The following SLC16A12 variants were observed in gnomAD, a reference collection of about 807,000 sequenced individuals.
SLC16A12 encodes the protein monocarboxylate transporter 12.
A neutral mutation model predicts 42.4 loss-of-function variants in SLC16A12; 17 were observed. That is an observed-to-expected ratio of 0.40 (90% CI 0.27 to 0.60). The LOEUF is 0.60. Among genes scored for constraint, SLC16A12 ranks in the 20% least tolerant of loss-of-function variants. The pLI, the probability that SLC16A12 is intolerant of heterozygous loss-of-function variation, is 0.42. For synonymous variants in SLC16A12, 224 were observed against 229.4 expected (o/e 0.98, Z 0.21); for missense variants, 544 against 623.0 (o/e 0.87, Z 1.35).
At chr10:89,522,882 C>T (rs2133857421) in intron 2 of SLC16A12, among the ~76,000 whole-genome samples, 1 of 152,322 alleles carries the variant, frequency 6.6e-6, no homozygotes, top group South Asian at 2.1e-4. Flanking sequence ...GTGCCCAAAA[C>T]ACGTTAGCTA....
chr10:89,494,856 G>T (rs1234162380), intron 2 of SLC16A12, among the ~76,000 whole-genome samples: 1 of 152,166 alleles, frequency 6.6e-6, no homozygotes, highest in Admixed American at 6.5e-5. Context: ...CCACCCCTCA[G>T]ACAATTAGCC....
At chr10:89,500,264 T>C (rs924276631) in intron 2 of SLC16A12, among the ~76,000 whole-genome samples, 13 of 152,044 alleles carry the variant, frequency 8.6e-5, no homozygotes, top group African/African-American at 3.1e-4. Flanking sequence ...GATAGAGAAA[T>C]AGGGAACCCT....
At chr10:89,454,050 TG>T (rs1475445390) in intron 3 of SLC16A12, among the ~76,000 whole-genome samples, 1 of 152,034 alleles carries the variant, frequency 6.6e-6, no homozygotes. Flanking sequence ...GTCTCAGCTC[TG>T]TTGCCCAGGC....
At chr10:89,481,879 A>G (rs1789539724) in intron 2 of SLC16A12, among the ~76,000 whole-genome samples, 2 of 152,172 alleles carry the variant, frequency 1.3e-5, no homozygotes, top group Admixed American at 1.3e-4. Context: ...ATGGCATTTC[A>G]GGCTCGCATG....
At chr10:89,502,489 A>C (rs1220391339) in intron 2 of SLC16A12, among the ~76,000 whole-genome samples, 2 of 151,864 alleles carry the variant, frequency 1.3e-5, no homozygotes, top group African/African-American at 4.8e-5. Flanking sequence ...GCCCACAGAA[A>C]CTCCTGATAC....
At chr10:89,522,641 T>C (rs182083070) in intron 2 of SLC16A12, among the ~76,000 whole-genome samples, 2 of 152,166 alleles carry the variant, frequency 1.3e-5, no homozygotes, top group African/African-American at 4.8e-5. Context: ...TTATTTGAAG[T>C]CTTAAGTACT....
At chr10:89,480,115 C>G (rs990459630) in intron 2 of SLC16A12, among the ~76,000 whole-genome samples, 10 of 152,136 alleles carry the variant, frequency 6.6e-5, no homozygotes, top group African/African-American at 1.2e-4. Flanking sequence ...GACAGGACAC[C>G]CCTCTCTCAA....
chr10:89,491,214 CAAGAGG>C (rs1175671839), intron 2 of SLC16A12, among the ~76,000 whole-genome samples: 1 of 152,120 alleles, frequency 6.6e-6, no homozygotes, highest in African/African-American at 2.4e-5. Context: ...TAATCCTGCC[CAAGAGG>C]GCCTGCTGGC....
At chr10:89,486,664 A>AAAAGAAAG (rs150119541) in intron 2 of SLC16A12, among the ~76,000 whole-genome samples, 4 of 94,070 alleles carry the variant, frequency 4.3e-5, no homozygotes, top group Non-Finnish European at 8.8e-5. Context: ...AGAAAGAAAG[A>AAAAGAAAG]AAAGAAAGAA....
chr10:89,433,453 A>G, intron 7 of SLC16A12, 127 bp from the exon 8 acceptor site: 2 of 962,894 alleles, frequency 2.1e-6, no homozygotes, highest in Non-Finnish European at 3.1e-6. Context: ...CTTTGAAACA[A>G]AAAGAGGTCA....
At chr10:89,500,050 G>A (rs554680069) in intron 2 of SLC16A12, among the ~76,000 whole-genome samples, 124 of 152,220 alleles carry the variant, frequency 8.1e-4, no homozygotes, top group South Asian at 3.5e-3. Context: ...AAACCTAGAG[G>A]AGATGGATAA....
At chr10:89,507,709 A>G (rs999197679) in intron 2 of SLC16A12, among the ~76,000 whole-genome samples, 2 of 152,210 alleles carry the variant, frequency 1.3e-5, no homozygotes, top group Non-Finnish European at 2.9e-5. Flanking sequence ...TAATGACAGG[A>G]TCAAATTCAC....
upstream of SLC16A12, among the ~76,000 whole-genome samples, chr10:89,540,300 T>C (rs1843707653): frequency 6.6e-6 from 1 of 152,126 alleles, no homozygotes; most frequent in South Asian, 2.1e-4. Context: ...AGTTTTGCCA[T>C]GTTGCCCAGG....
At chr10:89,542,678 G>C (rs1843721991) in intron 2 of SLC16A12, among the ~76,000 whole-genome samples, 1 of 152,070 alleles carries the variant, frequency 6.6e-6, no homozygotes, top group Admixed American at 6.6e-5. Flanking sequence ...GTCATGCATG[G>C]CTCACTAGAA....
intron 2 of SLC16A12, among the ~76,000 whole-genome samples, chr10:89,473,028 A>G (rs1480301755): frequency 1.3e-5 from 2 of 151,478 alleles, no homozygotes; most frequent in Non-Finnish European, 2.9e-5. Flanking sequence ...TATGTTTCTC[A>G]GGCTGGTCTC....
At chr10:89,516,005 T>G (rs1393777760) in intron 2 of SLC16A12, among the ~76,000 whole-genome samples, 1 of 152,144 alleles carries the variant, frequency 6.6e-6, no homozygotes, top group Non-Finnish European at 1.5e-5. Flanking sequence ...TCTACGTATA[T>G]TATATAGTAA....
At chr10:89,554,099 A>AAGAAAGAAGGAAGGAAGGAAG (rs1564607192) in intron 2 of SLC16A12, among the ~76,000 whole-genome samples, 1 of 14,432 alleles carries the variant, frequency 6.9e-5, no homozygotes, top group Non-Finnish European at 1.5e-4. Context: ...AAAGAAAGAA[A>AAGAAAGAAGGAAGGAAGGAAG]GAAGGAAGGA....
chr10:89,537,607 G>A (rs141396953), upstream of SLC16A12, among the ~76,000 whole-genome samples: 19 of 152,302 alleles, frequency 1.2e-4, no homozygotes, highest in African/African-American at 4.6e-4. Context: ...TGCCATGAGT[G>A]AGCCCTGACC....
At chr10:89,512,705 G>A (rs559076946) in intron 2 of SLC16A12, among the ~76,000 whole-genome samples, 1 of 152,184 alleles carries the variant, frequency 6.6e-6, no homozygotes, top group African/African-American at 2.4e-5. Context: ...CTGTTCATCT[G>A]TATCTTTCAA....
Sources: gnomAD v4.1 joint callset for allele counts (sites outside exome capture counted in the v4.1 genomes callset) on GRCh38, gnomAD v4.1.1 for gene constraint, MANE v1.5 for transcripts, NCBI Gene and HGNC (gene_info 2026-07-23, HGNC 2026-07-21) for gene names.